Variants in RIMS2 observed in about 807,000 individuals in gnomAD.
RIMS2 encodes regulating synaptic membrane exocytosis 2, also known as regulating synaptic membrane exocytosis protein 2.
Under a neutral mutation model 174.4 loss-of-function variants are expected in RIMS2, and 59 were observed. The ratio of observed to expected loss-of-function variants is 0.34; its 90% confidence interval spans 0.27 to 0.42. The LOEUF (loss-of-function observed/expected upper bound fraction) is 0.42, where lower values mean the gene tolerates loss of function less well. RIMS2 is among the 10% of genes least tolerant of loss of function. The probability of loss-of-function intolerance (pLI) is 1.00; values close to 1 mark genes in which losing one functional copy is unlikely to be tolerated. For synonymous variants in RIMS2, 606 were observed against 572.5 expected (o/e 1.06, Z -0.84); for missense variants, 1,620 against 1,666.3 (o/e 0.97, Z 0.48).
intron 19 of RIMS2, among the ~76,000 whole-genome samples, chr8:104,207,068 G>A (rs1265687202): frequency 6.6e-6 from 1 of 152,142 alleles, no homozygotes; most frequent in Non-Finnish European, 1.5e-5. Context: ...TCTAGTTAAT[G>A]AGAGACTAGG....
At chr8:104,088,454 G>A (rs907304070) in intron 19 of RIMS2, among the ~76,000 whole-genome samples, 26 of 151,804 alleles carry the variant, frequency 1.7e-4, no homozygotes, top group Non-Finnish European at 2.4e-4. Context: ...TTCTTTCCCC[G>A]CTCCTATCTT....
At chr8:103,767,178 G>T (rs923095986) in intron 3 of RIMS2, among the ~76,000 whole-genome samples, 2 of 135,434 alleles carry the variant, frequency 1.5e-5, no homozygotes, top group African/African-American at 5.7e-5. Flanking sequence ...TTGATGGGAA[G>T]ATTCTTTTTC....
chr8:103,966,612 A>G (rs1364815482), intron 15 of RIMS2, among the ~76,000 whole-genome samples: 1 of 152,106 alleles, frequency 6.6e-6, no homozygotes, highest in East Asian at 1.9e-4. Context: ...TCTGTTTTCA[A>G]TTTTACTGAC....
At chr8:103,740,692 G>A (rs1434671424) in intron 2 of RIMS2, among the ~76,000 whole-genome samples, 1 of 152,112 alleles carries the variant, frequency 6.6e-6, no homozygotes, top group East Asian at 1.9e-4. Context: ...TGTTTAAGTG[G>A]TTGCAAAGGG....
In RIMS2 at chr8:104,008,143, A is replaced by C. The variant is rs2095648024; in HGVS notation, c.3045-5299A>C. On this transcript the variant is annotated intron_variant, in intron 17 of 23. Transcript: ENST00000504942. ...TTTAAAAATGTTTGCTATTTTATGGAATCTGAGAATCTGGGAAGTGATAAA... is the reference window on the plus strand; with the variant it reads ...TTTAAAAATGTTTGCTATTTTATGGCATCTGAGAATCTGGGAAGTGATAAA... Among the ~76,000 whole-genome samples, 3 of 152,120 alleles carry C rather than the reference A, an allele frequency of 2.0e-5. No homozygotes were observed. The South Asian group carries it at 6.2e-4, about 31-fold the overall frequency.
intron 19 of RIMS2, among the ~76,000 whole-genome samples, chr8:104,030,115 G>A (rs528679736): frequency 6.6e-6 from 1 of 152,168 alleles, no homozygotes; most frequent in Admixed American, 6.5e-5. Flanking sequence ...AAATATGTTA[G>A]TATTCCACTA....
At chr8:103,986,211 A>G (rs2094349889) in intron 16 of RIMS2, among the ~76,000 whole-genome samples, 1 of 152,208 alleles carries the variant, frequency 6.6e-6, no homozygotes, top group Non-Finnish European at 1.5e-5. Flanking sequence ...TGCAATGTTT[A>G]CTTGACAAAA....
chr8:103,560,497 G>C (rs769071022), intron 1 of RIMS2, among the ~76,000 whole-genome samples: 1 of 152,144 alleles, frequency 6.6e-6, no homozygotes, highest in African/African-American at 2.4e-5. Context: ...AGAAGGGAGC[G>C]CACTCTGAAA....
chr8:103,679,169 G>A (rs545743522), intron 1 of RIMS2, among the ~76,000 whole-genome samples: 57 of 152,042 alleles, frequency 3.7e-4, no homozygotes, highest in African/African-American at 1.3e-3. Flanking sequence ...TATATATCCT[G>A]AAATATATGG....
intron 1 of RIMS2, among the ~76,000 whole-genome samples, chr8:103,685,846 G>T (rs1395643207): frequency 6.6e-6 from 1 of 151,946 alleles, no homozygotes; most frequent in Admixed American, 6.6e-5. Flanking sequence ...GAGCTAGCTG[G>T]TCAATTTTTA....
intron 19 of RIMS2, among the ~76,000 whole-genome samples, chr8:104,084,563 C>A (rs79100905): frequency 6.6e-6 from 1 of 151,484 alleles, no homozygotes; most frequent in South Asian, 2.1e-4. Context: ...GGACAATGCC[C>A]TTTCGTTTTT....
At chr8:104,158,020 G>A (rs1816933) in intron 19 of RIMS2, among the ~76,000 whole-genome samples, 52,248 of 151,910 alleles carry the variant, frequency 0.34, 9,179 homozygotes, top group South Asian at 0.52. Flanking sequence ...CCATCAACTC[G>A]TCATTTACGT....
At chr8:104,031,104 ATATCTT>A (rs2096382783) in intron 19 of RIMS2, among the ~76,000 whole-genome samples, 1 of 152,152 alleles carries the variant, frequency 6.6e-6, no homozygotes, top group Admixed American at 6.6e-5. Context: ...TTACTACTAA[ATATCTT>A]TGTCTTCCTT....
At chr8:104,238,208 A>T (rs2099268820) in intron 19 of RIMS2, among the ~76,000 whole-genome samples, 1 of 152,136 alleles carries the variant, frequency 6.6e-6, no homozygotes, top group Non-Finnish European at 1.5e-5. Context: ...ACAGAAAACC[A>T]AACACCGCAT....
intron 2 of RIMS2, among the ~76,000 whole-genome samples, chr8:103,748,314 G>T (rs2097846126): frequency 6.6e-6 from 1 of 151,920 alleles, no homozygotes; most frequent in Non-Finnish European, 1.5e-5. Flanking sequence ...ATCTGGTGGT[G>T]TGTGCCTGTA....
chr8:103,753,989 C>G (rs1426660355), intron 2 of RIMS2, among the ~76,000 whole-genome samples: 1 of 152,140 alleles, frequency 6.6e-6, no homozygotes, highest in Admixed American at 6.5e-5. Flanking sequence ...TGTGTTTGCT[C>G]TTGCTACTCT....
chr8:104,248,931 C>CTTT (rs746009960), intron 21 of RIMS2, 118 bp downstream of exon 27: 38 of 499,074 alleles, frequency 7.6e-5, no homozygotes, highest in African/African-American at 4.8e-4. Flanking sequence ...CTCTCTCCCT[C>CTTT]TATTTTTTTT....
At chr8:103,596,013 C>T (rs1774572641) in intron 1 of RIMS2, among the ~76,000 whole-genome samples, 1 of 151,870 alleles carries the variant, frequency 6.6e-6, no homozygotes, top group South Asian at 2.1e-4. Context: ...GATTGTAGGG[C>T]ATTTATACCT....
At chr8:103,811,740 C>G (rs2098689174) in intron 3 of RIMS2, among the ~76,000 whole-genome samples, 2 of 152,240 alleles carry the variant, frequency 1.3e-5, no homozygotes, top group Non-Finnish European at 1.5e-5. Context: ...GCCACCACAC[C>G]CAGCTGTTGC....
Sources: allele counts gnomAD v4.1 joint callset (sites outside exome capture counted in the v4.1 genomes callset), GRCh38; gene constraint gnomAD v4.1.1; transcripts MANE v1.5; gene names NCBI Gene and HGNC (gene_info 2026-07-23, HGNC 2026-07-21).